Variants in BNIP2 observed in about 807,000 individuals in gnomAD.
BNIP2 encodes the protein BCL2/adenovirus E1B 19 kDa protein-interacting protein 2.
BNIP2 carries 36 observed loss-of-function variants against 43.4 expected under a neutral mutation model. That is an observed-to-expected ratio of 0.83 (90% CI 0.64 to 1.10). The LOEUF is 1.10. Among genes scored for constraint, BNIP2 ranks in the 50% least tolerant of loss-of-function variants. The pLI is 0.00. For synonymous variants in BNIP2, 146 were observed against 121.0 expected (o/e 1.21, Z -1.35); for missense variants, 417 against 374.1 (o/e 1.11, Z -0.95).
Position 59,661,045 on chromosome 15 carries a change from G to A in BNIP2, c.*3024C>T, listed in dbSNP as rs1287001782. 1.3e-5 allele frequency: 2 copies of A among 152,086 alleles called. No homozygotes were observed. Among genetic ancestry groups the A allele is most frequent in the African/African-American group, 4.8e-5 (2 of 41,390 alleles). 9.4% of individuals were successfully genotyped at this position (152,086 alleles called of 1,614,324 possible). Reference sequence around the variant, plus strand: ...GTCACATATGGTACTTCCCTTAAAAGGACACACATGGCCGGGCGTGGTGGC... The same window carrying A: ...GTCACATATGGTACTTCCCTTAAAAAGACACACATGGCCGGGCGTGGTGGC... On this transcript the variant is annotated 3_prime_UTR_variant, in exon 10 of 10. Coordinates refer to ENST00000607373, the MANE Select transcript of BNIP2 (RefSeq NM_004330.4).
intron 7 of BNIP2, 90 bp downstream of exon 7, chr15:59,671,093 A>C (rs1193110805): frequency 7.7e-7 from 1 of 1,292,694 alleles, no homozygotes; most frequent in African/African-American, 1.5e-5. Flanking sequence ...AAAAGTTAAA[A>C]AAAAAAAATA....
chr15:59,680,203 G>C (rs530498240), intron 3 of BNIP2, 38 bp downstream of exon 3: 2 of 1,381,916 alleles, frequency 1.4e-6, no homozygotes. Flanking sequence ...ATAACACAAA[G>C]TCCATAATTT....
At chr15:59,673,420 G>A (rs1260053833) in intron 5 of BNIP2, among the ~76,000 whole-genome samples, 3 of 151,956 alleles carry the variant, frequency 2.0e-5, no homozygotes, top group Non-Finnish European at 4.4e-5. Flanking sequence ...GGCAAAGTGG[G>A]TGCTTTTTTA....
rs1202319556 is a variant in BNIP2 at position 59,659,860 on chromosome 15, A to G, written c.*4209T>C. 6.6e-6 allele frequency: 1 copy of G among 152,222 alleles called. No homozygotes were observed. Among genetic ancestry groups the G allele is most frequent in the Non-Finnish European group, 1.5e-5 (1 of 68,036 alleles). The allele number at this position is 152,222 out of a possible 1,614,324, so 9.4% of individuals were successfully genotyped here. On this transcript the variant is annotated 3_prime_UTR_variant, in exon 10 of 10. Coordinates refer to ENST00000607373, the MANE Select transcript of BNIP2 (RefSeq NM_004330.4). Reference sequence around the variant, plus strand: ...TTCTCAAAACATAAATAGGTCTATTATAAATAGTTGCAACATACTGTTATA... The same window carrying G: ...TTCTCAAAACATAAATAGGTCTATTGTAAATAGTTGCAACATACTGTTATA...
Position 59,677,845 on chromosome 15 carries a change from C to A in BNIP2, c.472+66G>T, listed in dbSNP as rs6151515. ...TTATTTACTCTTAATAAACAGATATCCTTCCAAAAAAAAAAGAATTCTGAT... is the reference window on the plus strand; with the variant it reads ...TTATTTACTCTTAATAAACAGATATACTTCCAAAAAAAAAAGAATTCTGAT... On this transcript the variant is annotated intron_variant, in intron 5 of 9. Transcript: ENST00000607373. 2.1e-3 allele frequency: 3,228 copies of A among 1,522,048 alleles called. 58 individuals are homozygous for A. In the African/African-American group the frequency reaches 0.041, roughly 19 times the overall value. 94.3% of individuals were successfully genotyped at this position (1,522,048 alleles called of 1,614,324 possible). A position where few individuals can be genotyped will look rare whatever the true frequency, so the allele number is the denominator to read the frequency against.
chr15:59,689,033 C>T, intron 1 of BNIP2, 102 bp downstream of exon 1: 2 of 1,455,882 alleles, frequency 1.4e-6, no homozygotes, highest in Non-Finnish European at 1.8e-6. Context: ...GGTTTCCTCT[C>T]CCCGGACGTC....
intron 9 of BNIP2, among the ~76,000 whole-genome samples, chr15:59,666,910 T>C (rs1164676561): frequency 6.6e-6 from 1 of 152,182 alleles, no homozygotes; most frequent in African/African-American, 2.4e-5. Flanking sequence ...TTTTTTCTGA[T>C]GTCTAAATTA....
chr15:59,680,848 C>T (rs6151501), intron 2 of BNIP2, among the ~76,000 whole-genome samples: 50,039 of 152,104 alleles, frequency 0.33, 8,568 homozygotes, highest in East Asian at 0.54. Context: ...CCTTCTGCCT[C>T]GGCCTCCCAA....
chr15:59,683,780 T>C (rs374672655), intron 1 of BNIP2, among the ~76,000 whole-genome samples: 8 of 152,216 alleles, frequency 5.3e-5, no homozygotes, highest in Admixed American at 2.0e-4. Flanking sequence ...GGTCACACCA[T>C]TGCACTCCAG....
intron 4 of BNIP2, chr15:59,678,867 C>T (rs1289961493): frequency 1.5e-6 from 2 of 1,301,600 alleles, no homozygotes; most frequent in African/African-American, 1.5e-5. Context: ...AGAGACAAAA[C>T]ACATAGGCAC....
chr15:59,686,404 A>G (rs1245802604), intron 1 of BNIP2, among the ~76,000 whole-genome samples: 1 of 152,174 alleles, frequency 6.6e-6, no homozygotes, highest in African/African-American at 2.4e-5. Context: ...TTAAGATCGC[A>G]TTAGAACTGT....
intron 5 of BNIP2, 56 bp downstream of exon 5, chr15:59,677,855 A>T (rs1893404133): frequency 6.5e-7 from 1 of 1,545,448 alleles, no homozygotes; most frequent in African/African-American, 1.4e-5. Context: ...CCTTCCAAAA[A>T]AAAAAGAATT....
chr15:59,676,207 AAAC>A, intron 5 of BNIP2, among the ~76,000 whole-genome samples: 1 of 152,280 alleles, frequency 6.6e-6, no homozygotes, highest in African/African-American at 2.4e-5. Flanking sequence ...AACCAAAACA[AAAC>A]AAAAAACTAG....
intron 7 of BNIP2, among the ~76,000 whole-genome samples, 191 bp from the exon 8 acceptor site, chr15:59,669,553 C>T (rs6151561): frequency 0.56 from 84,715 of 152,070 alleles, 24,245 homozygotes; most frequent in Middle Eastern, 0.65. Context: ...ATGAAATGAA[C>T]TTTACTTCAT....
chr15:59,676,823 T>C, intron 5 of BNIP2: 2 of 1,545,154 alleles, frequency 1.3e-6, no homozygotes, highest in South Asian at 1.2e-5. Flanking sequence ...CCGCTACTAC[T>C]TCCCTTCCTG....
intron 1 of BNIP2, among the ~76,000 whole-genome samples, chr15:59,686,337 C>T (rs1894011460): frequency 1.3e-5 from 2 of 152,126 alleles, no homozygotes; most frequent in South Asian, 2.1e-4. Context: ...ATGGTTTAAG[C>T]CCAGAAGTTC....
intron 1 of BNIP2, among the ~76,000 whole-genome samples, chr15:59,687,991 G>A (rs759867649): frequency 6.6e-6 from 1 of 152,068 alleles, no homozygotes; most frequent in Non-Finnish European, 1.5e-5. Flanking sequence ...TGCCTGATTT[G>A]GCCGCACTTA....
At chr15:59,678,400 A>T in intron 4 of BNIP2, 5 of 1,080,928 alleles carry the variant, frequency 4.6e-6, no homozygotes, top group Non-Finnish European at 5.6e-6. Context: ...TGGCCTTACA[A>T]TGCCTTTCCA....
chr15:59,685,828 G>A (rs1005225177), intron 1 of BNIP2, among the ~76,000 whole-genome samples: 1 of 152,192 alleles, frequency 6.6e-6, no homozygotes, highest in Non-Finnish European at 1.5e-5. Flanking sequence ...TCATCAAACA[G>A]CTGTTAAGAA....
Sources: gnomAD v4.1 joint callset for allele counts (sites outside exome capture counted in the v4.1 genomes callset) on GRCh38, gnomAD v4.1.1 for gene constraint, MANE v1.5 for transcripts, NCBI Gene and HGNC (gene_info 2026-07-23, HGNC 2026-07-21) for gene names.